Variants in CELF2 observed in about 807,000 individuals in gnomAD.
The protein encoded by CELF2 is CUGBP Elav-like family member 2.
A neutral mutation model predicts 62.6 loss-of-function variants in CELF2; 8 were observed. The observed-to-expected ratio is 0.13, with a 90% confidence interval of 0.07 to 0.23. The LOEUF (loss-of-function observed/expected upper bound fraction) is 0.23, where lower values mean the gene tolerates loss of function less well. Among genes scored for constraint, CELF2 ranks in the 10% least tolerant of loss-of-function variants. The pLI, the probability that CELF2 is intolerant of heterozygous loss-of-function variation, is 1.00. For missense variants in CELF2, 333 were observed against 671.0 expected (o/e 0.50, Z 5.56); for synonymous variants, 258 against 250.0 (o/e 1.03, Z -0.30).
intron 2 of CELF2, among the ~76,000 whole-genome samples, chr10:11,216,114 C>T (rs547069296): frequency 6.6e-6 from 1 of 152,160 alleles, no homozygotes; most frequent in Non-Finnish European, 1.5e-5. Context: ...TCTTTGGATG[C>T]GTGGAGTTTT....
the CELF2 span, among the ~76,000 whole-genome samples, chr10:10,660,827 C>T: frequency 6.6e-6 from 1 of 152,164 alleles, no homozygotes; most frequent in Non-Finnish European, 1.5e-5. Context: ...CTTTCTCTAT[C>T]CCTTTCTGTA....
At chr10:11,079,474 C>T (rs914715681) in intron 1 of CELF2, among the ~76,000 whole-genome samples, 10 of 152,058 alleles carry the variant, frequency 6.6e-5, no homozygotes, top group African/African-American at 2.2e-4. Flanking sequence ...TAGGTGAAGA[C>T]GATTGAATTA....
At chr10:10,788,184 A>G in the CELF2 span, among the ~76,000 whole-genome samples, 1 of 152,184 alleles carries the variant, frequency 6.6e-6, no homozygotes, top group African/African-American at 2.4e-5. Context: ...TACAAATAAC[A>G]ACAGTCTATA....
chr10:11,165,082 G>A lies in CELF2; in HGVS notation c.75-404G>A, dbSNP rs61832289. ...CAGGGAGAGGGAGAGAAATCCAGCA[G>A]ACATCTAGCTCTGCCTTTCTTTCCC... On this transcript the variant is annotated intron_variant, in intron 1 of 12. Transcript: ENST00000633077. The surrounding 1 kb of genome is among the most constrained non-coding windows in gnomAD (Gnocchi z 7.4). The A allele has an allele frequency of 0.14, 138,136 of 992,138 alleles. 9,841 individuals carry two copies. The highest frequency in any genetic ancestry group is 0.2 in the African/African-American group (11,325 of 57,522). The allele number at this position is 992,138 out of a possible 1,614,324, so 61.5% of individuals were successfully genotyped here.
chr10:10,733,607 T>C, the CELF2 span, among the ~76,000 whole-genome samples: 2 of 121,854 alleles, frequency 1.6e-5, no homozygotes, highest in South Asian at 3.8e-4. Flanking sequence ...TAGTTCAGCA[T>C]GGCTTGGGGG....
chr10:10,929,484 A>G (rs1437755586), intron 2 of CELF2: 1 of 152,228 alleles, frequency 6.6e-6, no homozygotes, highest in Non-Finnish European at 1.5e-5. Context: ...AGGTGTGTTC[A>G]TGTCTAAGAG....
chr10:10,727,650 C>T, the CELF2 span, among the ~76,000 whole-genome samples: 29 of 151,916 alleles, frequency 1.9e-4, no homozygotes, highest in Non-Finnish European at 3.7e-4. Flanking sequence ...CTGGCGGGCA[C>T]CTGTAGTCCC....
Position 11,309,493 on chromosome 10 carries a change from T to G in CELF2, c.977-4646T>G, listed in dbSNP as rs1270347240. On this transcript the variant is annotated intron_variant, in intron 9 of 12. Coordinates refer to ENST00000633077, the MANE Select transcript of CELF2 (RefSeq NM_001326342.2). This position sits in a 1 kb window ranked among gnomAD's most constrained non-coding sequence, Gnocchi z 5.6. ...CACTGCCTCTTTGCCTGATCTCTGT[T>G]AAGTTTCTGGCTGCTGTATCTCTGT... 6.6e-6 allele frequency among the ~76,000 whole-genome samples: 1 copy of G among 152,252 alleles called. No individual in the cohort carries two copies. The highest frequency in any genetic ancestry group is 1.5e-5 in the Non-Finnish European group (1 of 68,046).
chr10:10,655,658 T>A, the CELF2 span, among the ~76,000 whole-genome samples: 2 of 124,412 alleles, frequency 1.6e-5, no homozygotes, highest in Admixed American at 8.3e-5. Context: ...CTGGGAAAAC[T>A]GGCTAGCCAT....
chr10:10,693,960 C>A, the CELF2 span, among the ~76,000 whole-genome samples: 1 of 151,634 alleles, frequency 6.6e-6, no homozygotes, highest in East Asian at 1.9e-4. Flanking sequence ...TTCAAAAAAC[C>A]AGCTCCTGGA....
In CELF2 at chr10:11,297,744, G is replaced by C. The variant is rs920764652; in HGVS notation, c.976+9192G>C. ...CCAGCACTTTGGGAGGCTGAGGCAG[G>C]AGTTCCTTGAGGAACTCCCTGAGGC... On this transcript the variant is annotated intron_variant, in intron 9 of 12. Transcript: ENST00000633077. This position sits in a 1 kb window ranked among gnomAD's most constrained non-coding sequence, Gnocchi z 4.4. 4.6e-5 allele frequency among the ~76,000 whole-genome samples: 7 copies of C among 152,228 alleles called. No individual in the cohort carries two copies. The highest frequency in any genetic ancestry group is 1.7e-4 in the African/African-American group (7 of 41,462).
chr10:10,975,419 C>T (rs1289285798), intron 2 of CELF2, among the ~76,000 whole-genome samples: 1 of 152,186 alleles, frequency 6.6e-6, no homozygotes, highest in Non-Finnish European at 1.5e-5. Flanking sequence ...CAGGGGTGAG[C>T]CACTGCGCCT....
intron 2 of CELF2, among the ~76,000 whole-genome samples, chr10:11,210,553 A>G (rs1486899054): frequency 6.6e-6 from 1 of 152,250 alleles, no homozygotes; most frequent in Non-Finnish European, 1.5e-5. Flanking sequence ...CCATAAGAAG[A>G]TATTACTGAA....
In CELF2 at chr10:11,234,477, C is replaced by T. The variant is rs113408552; in HGVS notation, c.355-14676C>T. Among the ~76,000 whole-genome samples the T allele has an allele frequency of 5.6e-3, 847 of 152,044 alleles. 12 individuals are homozygous for T. The highest frequency in any genetic ancestry group is 0.02 in the African/African-American group (810 of 41,480). On this transcript the variant is annotated intron_variant, in intron 3 of 12. Transcript: ENST00000633077. The stretch of plus-strand genomic sequence containing the variant: ...GCGGGTGGATCACGAGGTCAGGAGA[C>T]GGAGACCATCCTAGCTAACACGGTG...
chr10:11,245,359 C>G (rs1299344503), intron 3 of CELF2, among the ~76,000 whole-genome samples: 1 of 152,192 alleles, frequency 6.6e-6, no homozygotes, highest in Non-Finnish European at 1.5e-5. Flanking sequence ...CTCAAATGAA[C>G]TGTTCATGGT....
At chr10:10,666,251 T>A in the CELF2 span, among the ~76,000 whole-genome samples, 1 of 152,186 alleles carries the variant, frequency 6.6e-6, no homozygotes. Flanking sequence ...GTGCAGCATT[T>A]GTCAGATGCC....
the CELF2 span, among the ~76,000 whole-genome samples, chr10:10,528,610 A>T: frequency 6.6e-6 from 1 of 152,140 alleles, no homozygotes; most frequent in African/African-American, 2.4e-5. Context: ...TCCCCAGCCC[A>T]CACTTGGTGA....
At chr10:10,605,071 C>T in the CELF2 span, among the ~76,000 whole-genome samples, 2 of 152,178 alleles carry the variant, frequency 1.3e-5, no homozygotes, top group Non-Finnish European at 2.9e-5. Flanking sequence ...TACATATACA[C>T]CATGGAATAC....
intron 3 of CELF2, among the ~76,000 whole-genome samples, chr10:11,235,710 G>A (rs2070962441): frequency 6.6e-6 from 1 of 152,008 alleles, no homozygotes; most frequent in East Asian, 1.9e-4. Context: ...GTCTTGCTCA[G>A]ATGTTTAATG....
Sources: gnomAD v4.1 joint callset for allele counts (sites outside exome capture counted in the v4.1 genomes callset) on GRCh38, gnomAD v4.1.1 for gene constraint, Gnocchi (gnomAD v3.1) non-coding constraint, MANE v1.5 for transcripts, NCBI Gene and HGNC (gene_info 2026-07-23, HGNC 2026-07-21) for gene names.